Variants in KATNIP observed in about 807,000 individuals in gnomAD.
KATNIP encodes katanin interacting protein.
KATNIP carries 126 observed loss-of-function variants against 174.0 expected under a neutral mutation model. The observed-to-expected ratio is 0.72, with a 90% confidence interval of 0.63 to 0.84. The LOEUF is 0.84. Among genes scored for constraint, KATNIP ranks in the 40% least tolerant of loss-of-function variants. The pLI is 0.00. For missense variants in KATNIP, 1,958 were observed against 2,109.7 expected (o/e 0.93, Z 1.41); for synonymous variants, 810 against 835.7 (o/e 0.97, Z 0.53).
chr16:27,771,554 A>G (rs756324308), intron 21 of KATNIP, 34 bp from the exon 22 acceptor site: 283 of 1,604,206 alleles, frequency 1.8e-4, no homozygotes, highest in Non-Finnish European at 2.3e-4. Flanking sequence ...GGCCGTCGTG[A>G]GCTTCTTCAT....
chr16:27,725,518 T>C (rs1423661950), intron 14 of KATNIP, among the ~76,000 whole-genome samples: 3 of 152,144 alleles, frequency 2.0e-5, no homozygotes, highest in Non-Finnish European at 2.9e-5. Context: ...CCAGATTAAG[T>C]GACTTGCCCA....
rs952949518 is a variant in KATNIP, at chr16:27,630,954, A to G, written c.311-111A>G. 8 of 787,136 alleles carry G rather than the reference A, an allele frequency of 1.0e-5. No individual in the cohort carries two copies. The Admixed American group carries it at 1.3e-4, about 13-fold the overall frequency. The allele number at this position is 787,136 out of a possible 1,614,324, so 48.8% of individuals were successfully genotyped here. A position where few individuals can be genotyped will look rare whatever the true frequency, so the allele number is the denominator to read the frequency against. On this transcript the variant is annotated intron_variant, in intron 4 of 27. Coordinates refer to ENST00000261588, the MANE Select transcript of KATNIP (RefSeq NM_015202.5). ...CGCTGTAGTCAATGTCCTCATACAC[A>G]AGACTTTGGGCACACTGATACGCAT...
chr16:27,773,201 C>T lies in KATNIP; in HGVS notation c.4301C>T (p.Ser1434Leu), dbSNP rs773580492. Reference protein sequence around the residue: ...YDERGEKIPLSENNIAAFPDS... With the variant: ...YDERGEKIPLLENNIAAFPDS... ...GAGCGAGGAGAAAAAATCCCCTTGT[C>T]GGAAAACAGTATCCTTTGTAGGACA... is the stretch of plus-strand genomic sequence containing the variant. Residue 1434 changes from serine (S) to leucine (L), a missense_variant, in exon 23 of 28, where the codon TCG (serine) becomes TTG (leucine). Physicochemically the swap from Ser to Leu is moderately radical, Grantham distance 145. Around this residue, in one of 3 missense-constraint regions of KATNIP, gnomAD observed 383 missense variants for 456.0 expected, o/e 0.84. Transcript: ENST00000261588. 4.1e-5 allele frequency: 66 copies of T among 1,605,240 alleles called. 2 individuals carry two copies. Among genetic ancestry groups the T allele is most frequent in the South Asian group, 3.7e-4 (33 of 89,728 alleles).
At chr16:27,734,060 A>G (rs1025582465) in intron 14 of KATNIP, among the ~76,000 whole-genome samples, 4 of 152,058 alleles carry the variant, frequency 2.6e-5, no homozygotes, top group Non-Finnish European at 5.9e-5. Context: ...CAGTTAGTCT[A>G]TAAGGACTTA....
intron 2 of KATNIP, among the ~76,000 whole-genome samples, chr16:27,584,664 G>A (rs1416853553): frequency 1.3e-5 from 2 of 152,020 alleles, no homozygotes; most frequent in Non-Finnish European, 2.9e-5. Flanking sequence ...GTTGGTGGGT[G>A]CCTGTAATCC....
At chr16:27,676,992 G>T (rs537868103) in intron 6 of KATNIP, among the ~76,000 whole-genome samples, 1 of 152,102 alleles carries the variant, frequency 6.6e-6, no homozygotes, top group Admixed American at 6.5e-5. Context: ...TTTTGTCCCA[G>T]TGTAAATATA....
chr16:27,666,888 G>A (rs1377552908), intron 6 of KATNIP, among the ~76,000 whole-genome samples: 3 of 152,106 alleles, frequency 2.0e-5, no homozygotes, highest in East Asian at 1.9e-4. Flanking sequence ...GGTTTTTGGC[G>A]CTCATTACTC....
At chr16:27,677,551 C>T (rs2078168160) in intron 6 of KATNIP, among the ~76,000 whole-genome samples, 178 bp from the exon 7 acceptor site, 1 of 151,982 alleles carries the variant, frequency 6.6e-6, no homozygotes, top group Non-Finnish European at 1.5e-5. Context: ...GGGAGTTACT[C>T]ATTTTCCCCT....
In KATNIP at chr16:27,778,811, C is replaced by A; in HGVS notation, c.*182C>A. 1 of 552,378 alleles carries A rather than the reference C, an allele frequency of 1.8e-6. No homozygotes were observed. The highest frequency in any genetic ancestry group is 2.8e-5 in the South Asian group (1 of 35,178). 34.2% of individuals were successfully genotyped at this position (552,378 alleles called of 1,614,324 possible). ...TGGATACTACCAGAGTGACAGATGG[C>A]TGTGGCTGCAGGGCAAAGAGATCCC... On this transcript the variant is annotated 3_prime_UTR_variant, in exon 28 of 28. Coordinates refer to ENST00000261588, the MANE Select transcript of KATNIP (RefSeq NM_015202.5).
chr16:27,563,659 G>GAT (rs1186005421), intron 1 of KATNIP, among the ~76,000 whole-genome samples: 2 of 152,120 alleles, frequency 1.3e-5, no homozygotes, highest in African/African-American at 2.4e-5. Context: ...GGAAACATTA[G>GAT]AAGTTCAGGC....
chr16:27,572,104 C>T (rs968922480), intron 1 of KATNIP, among the ~76,000 whole-genome samples: 6 of 151,952 alleles, frequency 3.9e-5, no homozygotes, highest in African/African-American at 1.2e-4. Context: ...TCCCCACATA[C>T]ATCTCCCCAA....
At chr16:27,778,515 G>A (rs2144330245) in intron 27 of KATNIP, 59 bp from the exon 28 acceptor site, 3 of 1,546,160 alleles carry the variant, frequency 1.9e-6, no homozygotes, top group South Asian at 1.1e-5. Context: ...GGAGTGTGGG[G>A]CACCCCTCCA....
At chr16:27,730,185 G>A (rs2080615768) in intron 14 of KATNIP, among the ~76,000 whole-genome samples, 1 of 152,262 alleles carries the variant, frequency 6.6e-6, no homozygotes, top group Non-Finnish European at 1.5e-5. Flanking sequence ...GAAGAAGGCT[G>A]AACACAGGCT....
chr16:27,584,283 TAG>T (rs910710708), intron 2 of KATNIP, among the ~76,000 whole-genome samples: 2 of 151,956 alleles, frequency 1.3e-5, no homozygotes, highest in African/African-American at 4.8e-5. Flanking sequence ...CGGCCCCAGA[TAG>T]AGACTCGCTG....
chr16:27,554,299 C>T (rs566452696), intron 1 of KATNIP, among the ~76,000 whole-genome samples: 36 of 152,162 alleles, frequency 2.4e-4, no homozygotes, highest in African/African-American at 8.2e-4. Flanking sequence ...CCTGTCTCTA[C>T]TAAAAATACA....
At position 27,618,520 on chromosome 16, in the gene KATNIP, C is replaced by T. The variant is rs774890124; in HGVS notation, c.140+19C>T. The T allele has an allele frequency of 2.0e-5, 31 of 1,555,806 alleles. No homozygotes were observed. Among genetic ancestry groups the T allele is most frequent in the East Asian group, 1.1e-4 (5 of 44,616 alleles). On this transcript the variant is annotated intron_variant, in intron 3 of 27. Coordinates refer to ENST00000261588, the MANE Select transcript of KATNIP (RefSeq NM_015202.5). The stretch of plus-strand genomic sequence containing the variant: ...GGAACCGGTAAGAGAAGCCACTCGA[C>T]GGCAGCCCTTGATATTAGCGAAGTA...
chr16:27,749,391 G>A (rs2081406499), intron 15 of KATNIP, among the ~76,000 whole-genome samples, 193 bp from the exon 16 acceptor site: 1 of 152,174 alleles, frequency 6.6e-6, no homozygotes, highest in South Asian at 2.1e-4. Context: ...TAACATGCCT[G>A]GCCCCAGCCA....
At chr16:27,681,931 A>G (rs1452379273) in intron 8 of KATNIP, among the ~76,000 whole-genome samples, 1 of 152,160 alleles carries the variant, frequency 6.6e-6, no homozygotes, top group Non-Finnish European at 1.5e-5. Context: ...CTCCTGATGA[A>G]TATGTTAATG....
chr16:27,750,419 C>CT (rs369243500), intron 16 of KATNIP, 113 bp downstream of exon 16: 55,930 of 665,572 alleles, frequency 0.084, 51 homozygotes, highest in Non-Finnish European at 0.091. Context: ...CTTTCTCTTT[C>CT]TTTTTTTTTT....
Sources: allele counts gnomAD v4.1 joint callset (sites outside exome capture counted in the v4.1 genomes callset), GRCh38; gene constraint gnomAD v4.1.1; regional missense constraint gnomAD v4.1.1; transcripts MANE v1.5; gene names NCBI Gene and HGNC (gene_info 2026-07-23, HGNC 2026-07-21).